NKAIN3: variants seen among roughly 807,000 people sequenced by gnomAD.
The protein encoded by NKAIN3 is sodium/potassium transporting ATPase interacting 3, also known as sodium/potassium-transporting ATPase subunit beta-1-interacting protein 3.
Under a neutral mutation model 30.2 loss-of-function variants are expected in NKAIN3, and 25 were observed. The ratio of observed to expected loss-of-function variants is 0.83; its 90% CI spans 0.60 to 1.16. The LOEUF (loss-of-function observed/expected upper bound fraction) is 1.16. NKAIN3 is among the 50% of genes most tolerant of loss of function. NKAIN3 has a pLI of 0.00. For missense variants in NKAIN3, 225 were observed against 254.1 expected, an observed-to-expected ratio of 0.89 and a Z score of 0.78; for synonymous variants, 91 against 89.6, an observed-to-expected ratio of 1.02 and a Z score of -0.09.
intron 1 of NKAIN3, among the ~76,000 whole-genome samples, chr8:62,352,186 A>C (rs1816201418): frequency 6.6e-6 from 1 of 152,200 alleles, no homozygotes; most frequent in Non-Finnish European, 1.5e-5. Context: ...AAATCAGGCA[A>C]GGAAGAGGAC....
At chr8:62,319,616 T>A (rs373146015) in intron 1 of NKAIN3, among the ~76,000 whole-genome samples, 7 of 152,250 alleles carry the variant, frequency 4.6e-5, no homozygotes, top group East Asian at 3.8e-4. Context: ...GAGCAGGTTG[T>A]TCAGTTTCCA....
chr8:62,363,393 C>G (rs1816624411), intron 1 of NKAIN3, among the ~76,000 whole-genome samples: 1 of 152,106 alleles, frequency 6.6e-6, no homozygotes, highest in South Asian at 2.1e-4. Flanking sequence ...TGCCTGAGCC[C>G]TTATAGTAGA....
rs534946433 is a variant in NKAIN3, at chr8:62,444,735, T to C, written c.55-134804T>C. 9.8e-5 allele frequency among the ~76,000 whole-genome samples: 15 copies of C among 152,286 alleles called. No homozygotes were observed. The South Asian group carries it at 1.9e-3, about 19-fold the overall frequency. On this transcript the variant is annotated intron_variant, in intron 1 of 6. Coordinates refer to ENST00000623646, the MANE Select transcript of NKAIN3 (RefSeq NM_001304533.3). ...CTCAAATATACACCCAATAACAAAA[T>C]TGCTGAATCATGTGATAGTTCTATT...
At chr8:62,851,807 C>T (rs1819906803) in intron 4 of NKAIN3, among the ~76,000 whole-genome samples, 1 of 152,068 alleles carries the variant, frequency 6.6e-6, no homozygotes, top group African/African-American at 2.4e-5. Context: ...GGATGAAGCC[C>T]ACTTGATCAT....
At position 62,766,465 on chromosome 8, in the gene NKAIN3, A is replaced by G. The variant is rs115846103; in HGVS notation, c.471+19336A>G. ...TTCTCTGATAAAGATTAACTTCAGAATTGGCTTCCAATAAGATATAAAAGA... is the reference window on the plus strand; with the variant it reads ...TTCTCTGATAAAGATTAACTTCAGAGTTGGCTTCCAATAAGATATAAAAGA... On this transcript the variant is annotated intron_variant, in intron 4 of 6. Coordinates refer to ENST00000623646, the MANE Select transcript of NKAIN3 (RefSeq NM_001304533.3). Among the ~76,000 whole-genome samples, 1,072 of 152,280 alleles carry G rather than the reference A, an allele frequency of 7.0e-3. 12 individuals are homozygous for G. The highest frequency in any genetic ancestry group is 0.024 in the African/African-American group (983 of 41,556).
intron 1 of NKAIN3, among the ~76,000 whole-genome samples, chr8:62,277,608 T>C (rs1464967945): frequency 6.6e-6 from 1 of 152,172 alleles, no homozygotes; most frequent in Non-Finnish European, 1.5e-5. Context: ...ACCTCTAAAG[T>C]AATTCACTTA....
chr8:62,950,908 C>T (rs1823266134), intron 5 of NKAIN3, among the ~76,000 whole-genome samples: 1 of 142,814 alleles, frequency 7.0e-6, no homozygotes, highest in African/African-American at 2.6e-5. Flanking sequence ...ATAGTCTTAT[C>T]AAGGTATGCG....
intron 4 of NKAIN3, among the ~76,000 whole-genome samples, chr8:62,886,658 C>T (rs1274757447): frequency 6.6e-6 from 1 of 152,056 alleles, no homozygotes; most frequent in Non-Finnish European, 1.5e-5. Flanking sequence ...GTAAATACTT[C>T]TCTCTTTTTA....
chr8:62,586,850 A>G (rs556208802), intron 2 of NKAIN3, among the ~76,000 whole-genome samples: 16 of 152,144 alleles, frequency 1.1e-4, no homozygotes, highest in African/African-American at 3.9e-4. Context: ...TTTAAAATAT[A>G]TATACTAAAC....
rs778342655 is a variant in NKAIN3, at chr8:62,416,366, G to A, written c.55-163173G>A. On this transcript the variant is annotated intron_variant, in intron 1 of 6. Coordinates refer to ENST00000623646, the MANE Select transcript of NKAIN3 (RefSeq NM_001304533.3). ...TTTTCTTCCCTTGCCTTGGCTTTCC[G>A]TTTTTATTCTCCTTCAAAAAAGTTT... 8.5e-5 allele frequency among the ~76,000 whole-genome samples: 13 copies of A among 152,174 alleles called. No homozygotes were observed. The East Asian group carries it at 1.5e-3, about 18-fold the overall frequency.
chr8:62,271,019 C>T (rs1034764673), intron 1 of NKAIN3, among the ~76,000 whole-genome samples: 2 of 152,172 alleles, frequency 1.3e-5, no homozygotes, highest in Non-Finnish European at 2.9e-5. Flanking sequence ...TAAGAACATA[C>T]ATATTCATCA....
intron 1 of NKAIN3, among the ~76,000 whole-genome samples, chr8:62,516,934 A>G (rs1563435847): frequency 6.6e-6 from 1 of 152,134 alleles, no homozygotes; most frequent in Non-Finnish European, 1.5e-5. Context: ...TCAGTCTTCT[A>G]CAATTTTAAT....
At chr8:62,670,879 G>GCACACACA (rs57917158) in intron 3 of NKAIN3, among the ~76,000 whole-genome samples, 1,445 of 142,060 alleles carry the variant, frequency 0.01, 22 homozygotes, top group South Asian at 0.016. Context: ...ACACATACAA[G>GCACACACA]CACACACACA....
At chr8:62,725,623 A>G (rs979105490) in intron 3 of NKAIN3, among the ~76,000 whole-genome samples, 7 of 152,048 alleles carry the variant, frequency 4.6e-5, no homozygotes, top group African/African-American at 1.2e-4. Flanking sequence ...TTTCTCCAAT[A>G]TATGTTCTTT....
At chr8:62,822,004 C>G (rs1256567114) in intron 4 of NKAIN3, among the ~76,000 whole-genome samples, 3 of 151,916 alleles carry the variant, frequency 2.0e-5, no homozygotes, top group Non-Finnish European at 4.4e-5. Context: ...ATGGGCAAAG[C>G]CACAGATTAG....
intron 1 of NKAIN3, among the ~76,000 whole-genome samples, chr8:62,493,779 T>A (rs938265944): frequency 6.6e-6 from 1 of 152,224 alleles, no homozygotes; most frequent in Admixed American, 6.5e-5. Context: ...TATTTTATTC[T>A]GTTTGTGGCA....
At chr8:62,854,556 T>C (rs2130779341) in intron 4 of NKAIN3, among the ~76,000 whole-genome samples, 1 of 152,360 alleles carries the variant, frequency 6.6e-6, no homozygotes, top group South Asian at 2.1e-4. Flanking sequence ...CAGTAAATTT[T>C]CCTCTATCCC....
At chr8:62,478,478 TAA>T (rs1368364010) in intron 1 of NKAIN3, among the ~76,000 whole-genome samples, 2 of 152,162 alleles carry the variant, frequency 1.3e-5, no homozygotes, top group Non-Finnish European at 2.9e-5. Flanking sequence ...ACTGAAGGTA[TAA>T]GTTTTGAAGT....
intron 1 of NKAIN3, among the ~76,000 whole-genome samples, chr8:62,449,489 T>A (rs1805578205): frequency 6.6e-6 from 1 of 151,986 alleles, no homozygotes; most frequent in Non-Finnish European, 1.5e-5. Flanking sequence ...TTAGGAAAAA[T>A]ATAGCTAAAT....
Sources: gnomAD v4.1 joint callset for allele counts (sites outside exome capture counted in the v4.1 genomes callset) on GRCh38, gnomAD v4.1.1 for gene constraint, MANE v1.5 for transcripts, NCBI Gene and HGNC (gene_info 2026-07-23, HGNC 2026-07-21) for gene names.